Variants in ZCCHC10 observed in about 807,000 individuals in gnomAD.
ZCCHC10 encodes zinc finger CCHC domain-containing protein 10.
ZCCHC10 carries 16 observed loss-of-function variants against 19.5 expected under a neutral mutation model. That is an observed-to-expected ratio of 0.82 (90% CI 0.56 to 1.25). The LOEUF (loss-of-function observed/expected upper bound fraction) is 1.25, where lower values mean the gene tolerates loss of function less well. Ranked by LOEUF, ZCCHC10 falls within the 50% of genes most tolerant of loss-of-function variation. ZCCHC10 has a pLI of 0.00. For missense variants in ZCCHC10, 197 were observed against 201.0 expected (o/e 0.98, Z 0.12); for synonymous variants, 67 against 72.5 (o/e 0.92, Z 0.38).
chr5:133,007,191 T>C (rs1415276215), intron 2 of ZCCHC10, among the ~76,000 whole-genome samples: 4 of 152,154 alleles, frequency 2.6e-5, no homozygotes, highest in Non-Finnish European at 5.9e-5. Flanking sequence ...GGGGCAAGTC[T>C]TTCCTGTGCT....
chr5:133,020,936 G>A (rs1272205369), intron 2 of ZCCHC10, among the ~76,000 whole-genome samples: 5 of 145,522 alleles, frequency 3.4e-5, no homozygotes, highest in East Asian at 4.0e-4. Flanking sequence ...TCGCTCTGTC[G>A]CCCAGGCTGG....
chr5:133,021,231 G>A (rs1039148425), intron 2 of ZCCHC10, among the ~76,000 whole-genome samples: 3 of 152,120 alleles, frequency 2.0e-5, no homozygotes, highest in Admixed American at 6.6e-5. Flanking sequence ...GGGTTTCACC[G>A]TGTTAGCCAG....
chr5:133,019,314 AT>A, intron 2 of ZCCHC10: 2 of 213,498 alleles, frequency 9.4e-6, no homozygotes, highest in Non-Finnish European at 1.9e-5. Flanking sequence ...AAAAATACTA[AT>A]TTTCCATAAA....
At chr5:133,012,011 C>CA (rs1229195714) in intron 2 of ZCCHC10, among the ~76,000 whole-genome samples, 25 of 151,720 alleles carry the variant, frequency 1.6e-4, no homozygotes, top group African/African-American at 6.1e-4. Context: ...TGGCAGGCAC[C>CA]TGTAGTCCCC....
intron 2 of ZCCHC10, among the ~76,000 whole-genome samples, chr5:133,018,572 T>C (rs1764081271): frequency 6.6e-6 from 1 of 152,258 alleles, no homozygotes; most frequent in Middle Eastern, 3.4e-3. Flanking sequence ...CTAATTTTTG[T>C]ATTTTTAGTA....
chr5:133,018,542 G>T (rs1467957821), intron 2 of ZCCHC10, among the ~76,000 whole-genome samples: 1 of 152,102 alleles, frequency 6.6e-6, no homozygotes, highest in Non-Finnish European at 1.5e-5. Context: ...TAGGACTACA[G>T]GGTGTGCCAC....
At chr5:133,015,507 T>C (rs528398637) in intron 2 of ZCCHC10, among the ~76,000 whole-genome samples, 26 of 152,262 alleles carry the variant, frequency 1.7e-4, no homozygotes, top group African/African-American at 4.3e-4. Context: ...ACTAACAGAA[T>C]GAAGCAAGGT....
chr5:133,000,030 G>A, intron 4 of ZCCHC10, 102 bp downstream of exon 4: 2 of 1,335,178 alleles, frequency 1.5e-6, no homozygotes, highest in South Asian at 1.3e-5. Context: ...TTATAGGCAT[G>A]AGCCACTGCA....
chr5:133,024,795 C>T (rs1020992878), intron 1 of ZCCHC10, among the ~76,000 whole-genome samples: 3 of 151,976 alleles, frequency 2.0e-5, no homozygotes, highest in Non-Finnish European at 2.9e-5. Context: ...CCCAGCTAGT[C>T]GGGAGGCTGA....
intron 2 of ZCCHC10, among the ~76,000 whole-genome samples, chr5:133,010,792 CT>C (rs112679739): frequency 1.3e-4 from 20 of 148,692 alleles, no homozygotes; most frequent in South Asian, 4.3e-4. Flanking sequence ...TTAAAAGGAA[CT>C]TTTTTTTTTC....
intron 3 of ZCCHC10, among the ~76,000 whole-genome samples, chr5:133,002,521 C>T (rs866306876): frequency 1.3e-5 from 2 of 151,940 alleles, no homozygotes; most frequent in East Asian, 3.9e-4. Flanking sequence ...TTTCATAACC[C>T]GTATTTCATT....
At chr5:133,000,225 A>G in intron 3 of ZCCHC10, 52 bp from the exon 4 acceptor site, 1 of 1,595,758 alleles carries the variant, frequency 6.3e-7, no homozygotes, top group Non-Finnish European at 8.6e-7. Context: ...GATTATACAC[A>G]GCTCAGACAA....
At chr5:133,022,580 G>C (rs1764390505) in intron 2 of ZCCHC10, among the ~76,000 whole-genome samples, 1 of 151,896 alleles carries the variant, frequency 6.6e-6, no homozygotes, top group South Asian at 2.1e-4. Context: ...AGCCTCCCGA[G>C]TAGTTGGGAC....
intron 3 of ZCCHC10, among the ~76,000 whole-genome samples, chr5:133,002,561 T>C (rs550579936): frequency 4.6e-5 from 7 of 152,248 alleles, no homozygotes; most frequent in African/African-American, 1.7e-4. Flanking sequence ...AAACATTTTT[T>C]TGCTTACATT....
intron 1 of ZCCHC10, 85 bp downstream of exon 1, chr5:133,026,412 C>A: frequency 6.4e-7 from 1 of 1,550,972 alleles, no homozygotes; most frequent in Non-Finnish European, 8.8e-7. Context: ...CTCCGCCGGT[C>A]CCAATAGGGG....
chr5:133,017,362 T>A (rs1009630549), intron 2 of ZCCHC10, among the ~76,000 whole-genome samples: 1 of 148,010 alleles, frequency 6.8e-6, no homozygotes, highest in South Asian at 2.1e-4. Flanking sequence ...AAAATGTCCA[T>A]AGCATGATTT....
chr5:133,023,024 A>T, intron 1 of ZCCHC10, 118 bp from the exon 2 acceptor site: 1 of 401,770 alleles, frequency 2.5e-6, no homozygotes, highest in Non-Finnish European at 4.4e-6. Flanking sequence ...AAGGTTTTTT[A>T]ACTGACTGAA....
At chr5:133,013,722 A>G (rs1050626768) in intron 2 of ZCCHC10, among the ~76,000 whole-genome samples, 2 of 152,102 alleles carry the variant, frequency 1.3e-5, no homozygotes, top group African/African-American at 4.8e-5. Flanking sequence ...ACTCCATCTC[A>G]AACAATATAT....
chr5:133,013,654 G>A (rs1173086650), intron 2 of ZCCHC10, among the ~76,000 whole-genome samples: 4 of 151,940 alleles, frequency 2.6e-5, no homozygotes, highest in East Asian at 3.9e-4. Flanking sequence ...CCCAGGTGGC[G>A]GATGCTGTGG....
Sources: gnomAD v4.1 joint callset for allele counts (sites outside exome capture counted in the v4.1 genomes callset) on GRCh38, gnomAD v4.1.1 for gene constraint, MANE v1.5 for transcripts, NCBI Gene and HGNC (gene_info 2026-07-23, HGNC 2026-07-21) for gene names.